MAPK10: variants seen among roughly 807,000 people sequenced by gnomAD.
MAPK10 encodes the protein mitogen-activated protein kinase 10, also known as JNK3 alpha protein kinase.
MAPK10 carries 25 observed loss-of-function variants against 59.3 expected under a neutral mutation model. The observed-to-expected ratio is 0.42, with a 90% confidence interval of 0.31 to 0.59. The LOEUF (loss-of-function observed/expected upper bound fraction) is 0.59, where lower values mean the gene tolerates loss of function less well. Ranked by LOEUF, MAPK10 falls within the 20% of genes least tolerant of loss-of-function variation. MAPK10 has a pLI of 0.15. For missense variants in MAPK10, 351 were observed against 568.9 expected, an observed-to-expected ratio of 0.62 and a Z score of 3.90; for synonymous variants, 190 against 200.5, an observed-to-expected ratio of 0.95 and a Z score of 0.44.
intron 1 of MAPK10, among the ~76,000 whole-genome samples, chr4:86,524,889 A>G (rs1258609360): frequency 6.6e-6 from 1 of 152,090 alleles, no homozygotes; most frequent in East Asian, 1.9e-4. Flanking sequence ...CCAACCTAAT[A>G]TCTGGTACCT....
intron 1 of MAPK10, among the ~76,000 whole-genome samples, chr4:86,449,244 C>T (rs982365529): frequency 1.3e-5 from 2 of 152,090 alleles, no homozygotes; most frequent in East Asian, 1.9e-4. Flanking sequence ...TCTAATCCTC[C>T]GTGAAAATGT....
chr4:86,355,814 A>G (rs1734152056), intron 1 of MAPK10, among the ~76,000 whole-genome samples: 1 of 152,208 alleles, frequency 6.6e-6, no homozygotes, highest in African/African-American at 2.4e-5. Context: ...ATTGCCAAAT[A>G]AACAGACCTA....
chr4:86,032,176 C>T (rs2039190251), intron 11 of MAPK10: 1 of 152,170 alleles, frequency 6.6e-6, no homozygotes, highest in African/African-American at 2.4e-5. Context: ...ATTTCTCTTC[C>T]CATGTGGAGT....
chr4:86,232,293 C>T (rs1419844163), intron 2 of MAPK10, among the ~76,000 whole-genome samples: 2 of 152,062 alleles, frequency 1.3e-5, no homozygotes, highest in Non-Finnish European at 2.9e-5. Flanking sequence ...GATGCAAGCA[C>T]CAAGGTAAAA....
chr4:86,587,046 T>C (rs910588492), intron 1 of MAPK10, among the ~76,000 whole-genome samples: 3 of 152,172 alleles, frequency 2.0e-5, no homozygotes, highest in Admixed American at 1.3e-4. Context: ...CTTTAAAAAA[T>C]AGTGGCCTAA....
intron 2 of MAPK10, among the ~76,000 whole-genome samples, chr4:86,304,028 C>T (rs530601435): frequency 4.6e-5 from 7 of 152,178 alleles, no homozygotes; most frequent in South Asian, 2.1e-4. Flanking sequence ...AAGTCTTGAA[C>T]GGTTTATTCT....
intron 4 of MAPK10, among the ~76,000 whole-genome samples, chr4:86,139,158 T>C (rs1250245143): frequency 1.4e-5 from 2 of 143,116 alleles, no homozygotes; most frequent in Admixed American, 1.4e-4. Context: ...CCAATGACTT[T>C]CTTCACAGAA....
rs72865384 is a variant in MAPK10, at chr4:86,281,883, C to T, written c.-7+72647G>A. On this transcript the variant is annotated intron_variant, in intron 2 of 13. Coordinates refer to ENST00000641462, the MANE Select transcript of MAPK10 (RefSeq NM_138982.4). ...AAAATGGCTCATAGTTTGGGTTTGT[C>T]CTTAAGACAACCCACTGCAAATCAA... Among the ~76,000 whole-genome samples, 247 of 151,966 alleles carry T rather than the reference C, an allele frequency of 1.6e-3. 1 individual carries two copies. The highest frequency in any genetic ancestry group is 0.01 in the Middle Eastern group (3 of 294).
chr4:86,179,173 G>A (rs936710219), intron 3 of MAPK10, among the ~76,000 whole-genome samples: 4 of 151,998 alleles, frequency 2.6e-5, no homozygotes, highest in African/African-American at 9.7e-5. Flanking sequence ...CTGCACTCCA[G>A]CCTGGGTGAC....
intron 2 of MAPK10, among the ~76,000 whole-genome samples, chr4:86,272,550 A>G (rs1042353702): frequency 2.0e-5 from 3 of 152,010 alleles, no homozygotes; most frequent in Admixed American, 6.6e-5. Context: ...TAAGTGAAAG[A>G]TTTTTGCCGA....
chr4:86,038,009 C>T (rs901871811), intron 11 of MAPK10, among the ~76,000 whole-genome samples: 3 of 152,238 alleles, frequency 2.0e-5, no homozygotes, highest in African/African-American at 7.2e-5. Flanking sequence ...GCAGTCAACA[C>T]TTACATTCTT....
intron 2 of MAPK10, among the ~76,000 whole-genome samples, chr4:86,323,422 C>A (rs2095947734): frequency 6.6e-6 from 1 of 152,156 alleles, no homozygotes; most frequent in Non-Finnish European, 1.5e-5. Flanking sequence ...AGGCATTGAG[C>A]TAAGTGTTTT....
At chr4:86,565,863 A>C (rs1176619058) in intron 1 of MAPK10, among the ~76,000 whole-genome samples, 1 of 152,150 alleles carries the variant, frequency 6.6e-6, no homozygotes, top group Non-Finnish European at 1.5e-5. Context: ...TACTTCCTTA[A>C]ATAAAACTCC....
intron 4 of MAPK10, among the ~76,000 whole-genome samples, chr4:86,153,777 A>C (rs536305471): frequency 6.6e-6 from 1 of 152,260 alleles, no homozygotes; most frequent in South Asian, 2.1e-4. Flanking sequence ...AGAACAGCAA[A>C]ATGTGGAAGA....
intron 1 of MAPK10, among the ~76,000 whole-genome samples, chr4:86,423,337 A>T (rs1245297516): frequency 6.6e-6 from 1 of 152,196 alleles, no homozygotes; most frequent in Non-Finnish European, 1.5e-5. Flanking sequence ...CAATACAAAC[A>T]TCAGTAAATT....
At chr4:86,256,612 G>A (rs1379975413) in intron 2 of MAPK10, among the ~76,000 whole-genome samples, 3 of 151,570 alleles carry the variant, frequency 2.0e-5, no homozygotes, top group African/African-American at 7.3e-5. Context: ...CACATTATAG[G>A]TAAACTAAAA....
chr4:86,165,111 A>T (rs1293971193), intron 3 of MAPK10, among the ~76,000 whole-genome samples: 2 of 152,230 alleles, frequency 1.3e-5, no homozygotes, highest in Non-Finnish European at 2.9e-5. Context: ...GTGGAAAATT[A>T]GCCAGTCAAT....
intron 2 of MAPK10, among the ~76,000 whole-genome samples, chr4:86,303,863 C>G (rs778811398): frequency 3.3e-5 from 5 of 152,172 alleles, no homozygotes; most frequent in Non-Finnish European, 5.9e-5. Context: ...ATCATCTGCA[C>G]TGCTATCAGT....
chr4:86,184,044 T>C (rs2149290442), intron 3 of MAPK10, among the ~76,000 whole-genome samples: 1 of 152,302 alleles, frequency 6.6e-6, no homozygotes, highest in Admixed American at 6.5e-5. Context: ...ATATTAGCCC[T>C]TTGTCAGATG....
Sources: gnomAD v4.1 joint callset for allele counts (sites outside exome capture counted in the v4.1 genomes callset) on GRCh38, gnomAD v4.1.1 for gene constraint, MANE v1.5 for transcripts, NCBI Gene and HGNC (gene_info 2026-07-23, HGNC 2026-07-21) for gene names.